Variants in AAAS observed in about 807,000 individuals in gnomAD.
AAAS encodes the protein aladin WD repeat nucleoporin.
A neutral mutation model predicts 75.6 loss-of-function variants in AAAS; 60 were observed. That is an observed-to-expected ratio of 0.79 (90% CI 0.64 to 0.98). The LOEUF is 0.98. AAAS is among the 50% of genes least tolerant of loss of function. The pLI, the probability that AAAS is intolerant of heterozygous loss-of-function variation, is 0.00. For synonymous variants in AAAS, 271 were observed against 265.0 expected (o/e 1.02, Z -0.22); for missense variants, 658 against 686.9 (o/e 0.96, Z 0.47).
In AAAS at chr12:53,307,510, G is replaced by C. The variant is rs1333494806; in HGVS notation, c.1620C>G (p.His540Gln). The change falls in exon 16 of 16, where the codon CAC becomes CAG. Residue 540 changes from histidine to glutamine, a missense_variant. Coordinates refer to ENST00000209873, the MANE Select transcript of AAAS (RefSeq NM_015665.6). ...ATTCTTAGAGGTGGGAATGTGGGGA[G>C]TGGGGCAGAACAGGTGGTGGCCCTG... ...PLPGPPPVLP[H>Q]SPHSHL 1 of 1,613,912 alleles carries C rather than the reference G, an allele frequency of 6.2e-7. No homozygotes were observed. Among genetic ancestry groups the C allele is most frequent in the South Asian group, 1.1e-5 (1 of 91,070 alleles).
chr12:53,312,796 T>C (rs1392630853), intron 7 of AAAS, among the ~76,000 whole-genome samples: 2 of 149,488 alleles, frequency 1.3e-5, no homozygotes, highest in Non-Finnish European at 3.0e-5. Context: ...TATATATATA[T>C]ATACGTGTAT....
In AAAS at chr12:53,321,534, A is replaced by C. The variant is rs1944558352; in HGVS notation, c.-69T>G. The C allele has an allele frequency of 1.2e-6, 2 of 1,609,592 alleles. No homozygotes were observed. The highest frequency in any genetic ancestry group is 1.7e-6 in the Non-Finnish European group (2 of 1,179,508). ...GGAACGGCACAGACCGCACTCCCGC[A>C]ACTCGGTTCCCGGGCTAGATTCGTA... On this transcript the variant is annotated 5_prime_UTR_variant, in exon 1 of 16. Coordinates refer to ENST00000209873, the MANE Select transcript of AAAS (RefSeq NM_015665.6).
intron 6 of AAAS, 71 bp downstream of exon 6, chr12:53,314,680 C>T: frequency 1.3e-6 from 2 of 1,507,032 alleles, no homozygotes; most frequent in Non-Finnish European, 1.8e-6. Flanking sequence ...CTACAGGACT[C>T]CCCGGAACCA....
At chr12:53,308,916 A>C (rs371424478) in intron 10 of AAAS, 44 bp downstream of exon 10, 2 of 1,613,748 alleles carry the variant, frequency 1.2e-6, no homozygotes, top group African/African-American at 1.3e-5. Flanking sequence ...GGCCCATTGG[A>C]ATCATCTCCT....
chr12:53,308,668 C>T, intron 11 of AAAS, 57 bp downstream of exon 11: 1 of 1,605,570 alleles, frequency 6.2e-7, no homozygotes, highest in Non-Finnish European at 8.5e-7. Flanking sequence ...TGCATCTTAC[C>T]AAAGGTTGCT....
At chr12:53,321,152 A>G in intron 1 of AAAS, 191 bp downstream of exon 1, 1 of 840,570 alleles carries the variant, frequency 1.2e-6, no homozygotes, top group Admixed American at 2.9e-5. Flanking sequence ...ACAGCTCCTT[A>G]ACCGTTCCCC....
intron 11 of AAAS, 55 bp from the exon 12 acceptor site, chr12:53,308,583 C>T: frequency 6.2e-7 from 1 of 1,608,406 alleles, no homozygotes; most frequent in Non-Finnish European, 8.5e-7. Context: ...TCTCACTGGT[C>T]CCCTGCCAGC....
At position 53,315,416 on chromosome 12, in the gene AAAS, CCACT is replaced by C; in HGVS notation, c.314_317del (p.Glu105GlyfsTer2). On this transcript the variant is annotated frameshift_variant, in exon 4 of 16. Transcript: ENST00000209873. LOFTEE classifies it high-confidence loss of function. ...GGGCCCAGCCGGATGCCGTCTTCACCCACTCAAACACTGTAGGGTTGAGGAAGCA... is the reference window on the plus strand; with the variant it reads ...GGGCCCAGCCGGATGCCGTCTTCACCCAAACACTGTAGGGTTGAGGAAGCA... 1 of 1,613,158 alleles carries C rather than the reference CCACT, an allele frequency of 6.2e-7. No individual in the cohort carries two copies. Among genetic ancestry groups the C allele is most frequent in the Non-Finnish European group, 8.5e-7 (1 of 1,179,900 alleles).
intron 1 of AAAS, 43 bp downstream of exon 1, chr12:53,321,300 C>T: frequency 6.2e-7 from 1 of 1,600,100 alleles, no homozygotes. Context: ...TCCCCGACTC[C>T]GCCCCCATGC....
intron 1 of AAAS, 54 bp from the exon 2 acceptor site, chr12:53,320,746 T>C (rs1281304382): frequency 7.5e-6 from 12 of 1,603,470 alleles, no homozygotes; most frequent in Non-Finnish European, 1.0e-5. Flanking sequence ...CCCAAATCTT[T>C]AATTCCGTGC....
At chr12:53,320,523 A>C in intron 2 of AAAS, 42 bp downstream of exon 2, 1 of 1,612,506 alleles carries the variant, frequency 6.2e-7, no homozygotes, top group Non-Finnish European at 8.5e-7. Context: ...ATTTTCCAGG[A>C]TCTGCAGACT....
chr12:53,309,605 A>G lies in AAAS; in HGVS notation c.806T>C (p.Ile269Thr). ...LLSASPVDAA[I>T]RVWDVSTETC... ...GAGGGGCAGGGACCCACTCACCCGG[A>G]TAGCAGCATCCACGGGTGAAGCTGA... The change falls in exon 8 of 16, where the codon ATC (isoleucine) becomes ACC (threonine). Residue 269 changes from isoleucine (I) to threonine (T), a missense_variant. Coordinates refer to ENST00000209873, the MANE Select transcript of AAAS (RefSeq NM_015665.6). 6.2e-7 allele frequency: 1 copy of G among 1,613,772 alleles called. No individual in the cohort carries two copies. Among genetic ancestry groups the G allele is most frequent in the Non-Finnish European group, 8.5e-7 (1 of 1,179,914 alleles).
At chr12:53,309,086 T>C (rs1944344387) in intron 9 of AAAS, 66 bp from the exon 10 acceptor site, 2 of 1,614,208 alleles carry the variant, frequency 1.2e-6, no homozygotes, top group Non-Finnish European at 1.7e-6. Context: ...CCTACCTCCC[T>C]TGACAGAGCT....
intron 7 of AAAS, among the ~76,000 whole-genome samples, chr12:53,313,058 G>C (rs1184870866): frequency 6.7e-6 from 1 of 149,886 alleles, no homozygotes; most frequent in Admixed American, 6.7e-5. Flanking sequence ...GGGTTTCACC[G>C]TGTTAGCCAG....
At chr12:53,313,150 C>CCTGTGGAAATGTTTGA (rs1944415816) in intron 7 of AAAS, among the ~76,000 whole-genome samples, 1 of 131,896 alleles carries the variant, frequency 7.6e-6, no homozygotes, top group African/African-American at 2.8e-5. Context: ...GCCACCGCGC[C>CCTGTGGAAATGTTTGA]TGGCCTTTTT....
chr12:53,318,502 C>T lies in AAAS; in HGVS notation c.251+2063G>A, dbSNP rs150342600. Reference sequence around the variant, plus strand: ...TGCTGGGATTACAGGCATGAGCTTCCGCGCCCAGACTATCACTGCATTTTT... The same window carrying T: ...TGCTGGGATTACAGGCATGAGCTTCTGCGCCCAGACTATCACTGCATTTTT... On this transcript the variant is annotated intron_variant, in intron 2 of 15. Transcript: ENST00000209873. Among the ~76,000 whole-genome samples, 873 of 152,158 alleles carry T rather than the reference C, an allele frequency of 5.7e-3. 7 individuals are homozygous for T. Among genetic ancestry groups the T allele is most frequent in the African/African-American group, 0.02 (824 of 41,494 alleles).
chr12:53,321,597 A>T lies in AAAS; in HGVS notation c.-132T>A, dbSNP rs878968220. 4 of 1,493,478 alleles carry T rather than the reference A, an allele frequency of 2.7e-6. No homozygotes were observed. Among genetic ancestry groups the T allele is most frequent in the Admixed American group, 1.7e-5 (1 of 59,360 alleles). 92.5% of individuals were successfully genotyped at this position (1,493,478 alleles called of 1,614,324 possible). A position where few individuals can be genotyped will look rare whatever the true frequency, so the allele number is the denominator to read the frequency against. ...CCGCAAGGGACAAACGGCGAGGCGG[A>T]ACTCAACGGAAGTGAAGAAAAGACT... On this transcript the variant is annotated 5_prime_UTR_variant, in exon 1 of 16. Transcript: ENST00000209873.
chr12:53,314,106 A>G (rs1205541498), intron 7 of AAAS, among the ~76,000 whole-genome samples, 192 bp downstream of exon 7: 1 of 152,082 alleles, frequency 6.6e-6, no homozygotes, highest in Admixed American at 6.6e-5. Context: ...CCACAATCCA[A>G]AAAGCCCCTA....
intron 2 of AAAS, among the ~76,000 whole-genome samples, chr12:53,317,329 G>C (rs1350498665): frequency 6.6e-6 from 1 of 151,408 alleles, no homozygotes; most frequent in Admixed American, 6.6e-5. Context: ...AGGCTGAGGC[G>C]GGCGGATCAC....
Sources: gnomAD v4.1 joint callset for allele counts (sites outside exome capture counted in the v4.1 genomes callset) on GRCh38, gnomAD v4.1.1 for gene constraint, MANE v1.5 for transcripts, NCBI Gene and HGNC (gene_info 2026-07-23, HGNC 2026-07-21) for gene names.